Variants in MAPT observed in about 807,000 individuals in gnomAD.
MAPT encodes microtubule-associated protein tau.
A neutral mutation model predicts 67.9 loss-of-function variants in MAPT; 34 were observed. That is an observed-to-expected ratio of 0.50 (90% CI 0.38 to 0.67). MAPT has a LOEUF of 0.67. Among genes scored for constraint, MAPT ranks in the 30% least tolerant of loss-of-function variants. The probability of loss-of-function intolerance (pLI) is 0.00; values close to 1 mark genes in which losing one functional copy is unlikely to be tolerated. For missense variants in MAPT, 881 were observed against 1,115.2 expected, an observed-to-expected ratio of 0.79 and a Z score of 2.99; for synonymous variants, 456 against 464.5, an observed-to-expected ratio of 0.98 and a Z score of 0.23.
chr17:45,900,360 CTGAG>C (rs2063535255), intron 1 of MAPT, among the ~76,000 whole-genome samples: 3 of 151,912 alleles, frequency 2.0e-5, no homozygotes, highest in Admixed American at 1.3e-4. Context: ...TGGCTCCCAA[CTGAG>C]TGTGAGGAGG....
rs1568328176 is a variant in MAPT at position 46,010,958 on chromosome 17, C to T, written c.2091+556C>T. On this transcript the variant is annotated intron_variant, in intron 10 of 12. Transcript: ENST00000262410. This position sits in a 1 kb window ranked among gnomAD's most constrained non-coding sequence, Gnocchi z 4.7. ...GCTCCTACACGTTCAAGGCAGGAGC[C>T]GATTCCTAAGCCTCCAGCTTATGCT... Among the ~76,000 whole-genome samples the T allele has an allele frequency of 6.6e-6, 1 of 152,226 alleles. No individual in the cohort carries two copies. Among genetic ancestry groups the T allele is most frequent in the Non-Finnish European group, 1.5e-5 (1 of 68,040 alleles).
In MAPT at chr17:46,024,677, C is replaced by G. The variant is rs938649780; in HGVS notation, c.*506C>G. The G allele has an allele frequency of 2.3e-5, 1 of 43,818 alleles. No homozygotes were observed. Among genetic ancestry groups the G allele is most frequent in the Non-Finnish European group, 4.2e-5 (1 of 23,708 alleles). 2.7% of individuals were successfully genotyped at this position (43,818 alleles called of 1,614,324 possible). On this transcript the variant is annotated 3_prime_UTR_variant, in exon 13 of 13. Transcript: ENST00000262410. ...CGATGTCAACCTTGTGTGAGTGTGACGGGGGTTGGGGTGGGGCGGGAGGCC... is the reference window on the plus strand; with the variant it reads ...CGATGTCAACCTTGTGTGAGTGTGAGGGGGGTTGGGGTGGGGCGGGAGGCC...
At chr17:45,902,976 G>A (rs767389439) in intron 1 of MAPT, among the ~76,000 whole-genome samples, 2 of 152,168 alleles carry the variant, frequency 1.3e-5, no homozygotes, top group African/African-American at 2.4e-5. Flanking sequence ...GTTTTACTGA[G>A]AAGGCTGGTG....
At position 45,926,382 on chromosome 17, in the gene MAPT, C is replaced by G. The variant is rs752106693; in HGVS notation, c.-18+31696C>G. 4.6e-5 allele frequency among the ~76,000 whole-genome samples: 7 copies of G among 152,108 alleles called. No homozygotes were observed. The South Asian group carries it at 6.2e-4, about 14-fold the overall frequency. On this transcript the variant is annotated intron_variant, in intron 1 of 12. Coordinates refer to ENST00000262410, the MANE Select transcript of MAPT (RefSeq NM_001377265.1). ...GGAGTACAGTGGCGTGATCATGGCT[C>G]TCTTCAAACTTGACCTCCCGGGCTC...
intron 3 of MAPT, chr17:45,975,608 A>G (rs955098892): frequency 6.6e-6 from 1 of 152,218 alleles, no homozygotes; most frequent in African/African-American, 2.4e-5. Context: ...TCACTGAGGG[A>G]AATCCCTCCC....
chr17:45,928,507 C>A (rs924600486), intron 1 of MAPT, among the ~76,000 whole-genome samples: 11 of 152,112 alleles, frequency 7.2e-5, no homozygotes, highest in Non-Finnish European at 1.3e-4. Context: ...AGGACCGTAC[C>A]ACTGTACCTA....
At chr17:45,961,117 G>A (rs929688195) in intron 1 of MAPT, among the ~76,000 whole-genome samples, 4 of 151,428 alleles carry the variant, frequency 2.6e-5, no homozygotes, top group Non-Finnish European at 2.9e-5. Flanking sequence ...GCTGCAGGGA[G>A]CAGAGATCGC....
intron 4 of MAPT, chr17:45,980,615 G>A (rs1476853256): frequency 2.1e-5 from 3 of 142,596 alleles, no homozygotes; most frequent in Non-Finnish European, 4.8e-5. Context: ...CTACAATCCT[G>A]TATCCATTAC....
At chr17:46,014,743 G>A (rs2076047099) in intron 11 of MAPT, among the ~76,000 whole-genome samples, 1 of 152,088 alleles carries the variant, frequency 6.6e-6, no homozygotes, top group African/African-American at 2.4e-5. Context: ...GCGTGGTGGT[G>A]GGCGCCTGTA....
intron 6 of MAPT, among the ~76,000 whole-genome samples, chr17:45,988,702 G>T (rs972162671): frequency 3.3e-5 from 5 of 152,120 alleles, no homozygotes; most frequent in African/African-American, 1.2e-4. Context: ...AAGGTGGGAG[G>T]ATGTCCCCAG....
At chr17:45,972,151 G>A (rs773731409) in intron 3 of MAPT, 5 of 691,676 alleles carry the variant, frequency 7.2e-6, no homozygotes, top group African/African-American at 1.8e-5. Context: ...CATCCCGTGT[G>A]TGCTCTGGAG....
intron 4 of MAPT, among the ~76,000 whole-genome samples, chr17:45,981,776 T>C (rs768372265): frequency 7.9e-5 from 12 of 151,960 alleles, no homozygotes; most frequent in Admixed American, 2.0e-4. Flanking sequence ...ATCCCTGTAA[T>C]CCCAGAGGCA....
intron 12 of MAPT, among the ~76,000 whole-genome samples, chr17:46,020,013 CAA>C (rs34260992): frequency 0.74 from 90,718 of 123,106 alleles, 31,597 homozygotes; most frequent in East Asian, 0.9. Context: ...TTCCATCTCA[CAA>C]AAAAAAAAAA....
chr17:45,905,976 C>T (rs935426337), intron 1 of MAPT, among the ~76,000 whole-genome samples: 3 of 152,326 alleles, frequency 2.0e-5, no homozygotes, highest in Admixed American at 1.3e-4. Context: ...TGCCACCTGG[C>T]TCCCTTAGCG....
At chr17:45,964,996 G>A (rs1170693018) in intron 2 of MAPT, among the ~76,000 whole-genome samples, 1 of 152,134 alleles carries the variant, frequency 6.6e-6, no homozygotes, top group Non-Finnish European at 1.5e-5. Flanking sequence ...AGTTGGTGCT[G>A]CTGGGGGAAA....
rs147373064 is a variant in MAPT, at chr17:46,025,118, T to A, written c.*947T>A. On this transcript the variant is annotated 3_prime_UTR_variant, in exon 13 of 13. Coordinates refer to ENST00000262410, the MANE Select transcript of MAPT (RefSeq NM_001377265.1). Reference sequence around the variant, plus strand: ...ACCCTGTTTTATTGAGTTCTGAAGGTTGGAACTGCTGCCATGATTTTGGCC... The same window carrying A: ...ACCCTGTTTTATTGAGTTCTGAAGGATGGAACTGCTGCCATGATTTTGGCC... 6.4e-4 allele frequency: 98 copies of A among 152,688 alleles called. No homozygotes were observed. The highest frequency in any genetic ancestry group is 2.3e-3 in the African/African-American group (94 of 41,576). The allele number at this position is 152,688 out of a possible 1,614,324, so 9.5% of individuals were successfully genotyped here. A position where few individuals can be genotyped will look rare whatever the true frequency, so the allele number is the denominator to read the frequency against.
At chr17:45,959,788 A>G (rs1216047837) in intron 1 of MAPT, among the ~76,000 whole-genome samples, 4 of 152,208 alleles carry the variant, frequency 2.6e-5, no homozygotes, top group Non-Finnish European at 4.4e-5. Context: ...TCTAAAAAAA[A>G]AAAATTATGG....
intron 1 of MAPT, among the ~76,000 whole-genome samples, chr17:45,937,610 AGAAAG>A (rs2067458467): frequency 1.3e-5 from 2 of 150,784 alleles, no homozygotes; most frequent in Admixed American, 6.6e-5. Flanking sequence ...AAAAAAAAAA[AGAAAG>A]GAGAGAGAGA....
In MAPT at chr17:45,981,525, G is replaced by A. The variant is rs1038570622; in HGVS notation, c.287-1341G>A. ...TGCCGTGCAGAGCCCTTCCTCCCAC[G>A]GGGGCCTACCTCACCTGTGCCAAGG... On this transcript the variant is annotated intron_variant, in intron 4 of 12. Coordinates refer to ENST00000262410, the MANE Select transcript of MAPT (RefSeq NM_001377265.1). Among the ~76,000 whole-genome samples the A allele has an allele frequency of 7.2e-5, 11 of 152,268 alleles. No homozygotes were observed. The South Asian group carries it at 1.2e-3, about 17-fold the overall frequency.
Sources: gnomAD v4.1 joint callset for allele counts (sites outside exome capture counted in the v4.1 genomes callset) on GRCh38, gnomAD v4.1.1 for gene constraint, Gnocchi (gnomAD v3.1) non-coding constraint, MANE v1.5 for transcripts, NCBI Gene and HGNC (gene_info 2026-07-23, HGNC 2026-07-21) for gene names.